PDE11A: variants seen among roughly 807,000 people sequenced by gnomAD.
PDE11A encodes dual 3',5'-cyclic-AMP and -GMP phosphodiesterase 11A.
Under a neutral mutation model 100.5 loss-of-function variants are expected in PDE11A, and 100 were observed. The observed-to-expected ratio is 1.00, with a 90% CI of 0.85 to 1.18. The LOEUF is 1.18. Ranked by LOEUF, PDE11A falls within the 50% of genes most tolerant of loss-of-function variation. The pLI is 0.00. For synonymous variants in PDE11A, 381 were observed against 420.8 expected (o/e 0.91, Z 1.16); for missense variants, 1,141 against 1,152.6 (o/e 0.99, Z 0.15).
chr2:177,775,804 CT>C (rs1230732045), intron 9 of PDE11A, among the ~76,000 whole-genome samples: 1 of 152,182 alleles, frequency 6.6e-6, no homozygotes, highest in Non-Finnish European at 1.5e-5. Flanking sequence ...CCTCTGTTAA[CT>C]CCATTATTCT....
chr2:177,697,261 C>A, intron 15 of PDE11A, 71 bp downstream of exon 15: 1 of 807,454 alleles, frequency 1.2e-6, no homozygotes, highest in East Asian at 2.5e-5. Context: ...AGGTAACCTC[C>A]AGTGTAGACC....
intron 2 of PDE11A, among the ~76,000 whole-genome samples, chr2:178,010,128 T>C (rs958127670): frequency 6.6e-6 from 1 of 152,224 alleles, no homozygotes. Flanking sequence ...AACAACCATG[T>C]GATGGAGGTT....
intron 10 of PDE11A, among the ~76,000 whole-genome samples, chr2:177,744,435 G>T (rs2081918934): frequency 1.3e-5 from 2 of 151,994 alleles, no homozygotes; most frequent in Admixed American, 1.3e-4. Flanking sequence ...TTGCTCTGTG[G>T]AGGGCAGGAA....
intron 5 of PDE11A, among the ~76,000 whole-genome samples, chr2:177,859,658 G>A (rs1304049173): frequency 2.0e-5 from 3 of 151,510 alleles, no homozygotes; most frequent in African/African-American, 7.3e-5. Flanking sequence ...CCTAATGGCA[G>A]AATATATATA....
intron 19 of PDE11A, among the ~76,000 whole-genome samples, chr2:177,648,108 T>C (rs1336503559): frequency 6.6e-6 from 1 of 151,868 alleles, no homozygotes; most frequent in Admixed American, 6.6e-5. Flanking sequence ...TGAGACCCTG[T>C]CTCCAAAAAA....
In PDE11A at chr2:177,822,269, T is replaced by C. The variant is rs146433644; in HGVS notation, c.1501-1974A>G. Among the ~76,000 whole-genome samples the C allele has an allele frequency of 8.6e-3, 1,306 of 152,036 alleles. 27 individuals are homozygous for C. Among genetic ancestry groups the C allele is most frequent in the African/African-American group, 0.03 (1,244 of 41,538 alleles). ...AACTGAAAATGATTTTCATGTATAA[T>C]ATGAGCTAGGAGTCAAAATTTCTTT... On this transcript the variant is annotated intron_variant, in intron 6 of 19. Coordinates refer to ENST00000286063, the MANE Select transcript of PDE11A (RefSeq NM_016953.4).
chr2:177,765,767 G>A lies in PDE11A; in HGVS notation c.1788+3556C>T, dbSNP rs2082230798. On this transcript the variant is annotated intron_variant, in intron 10 of 19. Coordinates refer to ENST00000286063, the MANE Select transcript of PDE11A (RefSeq NM_016953.4). Reference sequence around the variant, plus strand: ...AAGGTACAAACTACATGCTGAACTTGGAATCATCTAGACACTGAGGTCCAT... The same window carrying A: ...AAGGTACAAACTACATGCTGAACTTAGAATCATCTAGACACTGAGGTCCAT... Among the ~76,000 whole-genome samples, 4 of 152,286 alleles carry A rather than the reference G, an allele frequency of 2.6e-5. No individual in the cohort carries two copies. The South Asian group carries it at 8.3e-4, about 32-fold the overall frequency.
chr2:177,664,755 T>C (rs1482574085), intron 18 of PDE11A, among the ~76,000 whole-genome samples: 1 of 152,344 alleles, frequency 6.6e-6, no homozygotes, highest in East Asian at 1.9e-4. Flanking sequence ...AGAAGCTCCC[T>C]TGTGCCCTTA....
rs532599840 is a variant in PDE11A, at chr2:177,660,838, G to A, written c.2646+3028C>T. 3.0e-4 allele frequency among the ~76,000 whole-genome samples: 46 copies of A among 152,288 alleles called. No homozygotes were observed. The South Asian group carries it at 9.3e-3, about 31-fold the overall frequency. On this transcript the variant is annotated intron_variant, in intron 19 of 19. Transcript: ENST00000286063. Reference sequence around the variant, plus strand: ...AGCACAACCCTTTTAAAACCATGAAGTAAAACTGAACTACCCAGTGAAAGT... The same window carrying A: ...AGCACAACCCTTTTAAAACCATGAAATAAAACTGAACTACCCAGTGAAAGT...
rs765194351 is a variant in PDE11A, at chr2:178,045,880, G to A, written c.912+25646C>T. Among the ~76,000 whole-genome samples, 12 of 152,262 alleles carry A rather than the reference G, an allele frequency of 7.9e-5. No individual in the cohort carries two copies. The South Asian group carries it at 1.7e-3, about 21-fold the overall frequency. On this transcript the variant is annotated intron_variant, in intron 1 of 19. Transcript: ENST00000286063. ...GAACTTCATATTCCATCAAGGAGCC[G>A]CCTTCTTTCATGGACAGGAATCCAG...
intron 10 of PDE11A, among the ~76,000 whole-genome samples, chr2:177,760,803 A>G (rs1350643467): frequency 6.6e-6 from 1 of 152,196 alleles, no homozygotes; most frequent in African/African-American, 2.4e-5. Context: ...TCAGCCAGAC[A>G]TTGTCTCCTA....
At chr2:178,080,553 T>C (rs948777916) in intron 2 of PDE11A, among the ~76,000 whole-genome samples, 2 of 152,088 alleles carry the variant, frequency 1.3e-5, no homozygotes, top group South Asian at 2.1e-4. Context: ...GGAAGTTATA[T>C]AGAAGAAGAA....
At chr2:177,632,790 T>C (rs547276073) in intron 19 of PDE11A, among the ~76,000 whole-genome samples, 2 of 152,184 alleles carry the variant, frequency 1.3e-5, no homozygotes, top group Non-Finnish European at 2.9e-5. Flanking sequence ...GAGGTTGTCA[T>C]AGGGGAAGTG....
At chr2:177,956,472 C>T (rs1212114866) in intron 2 of PDE11A, among the ~76,000 whole-genome samples, 8 of 152,334 alleles carry the variant, frequency 5.3e-5, no homozygotes, top group African/African-American at 1.9e-4. Flanking sequence ...GGACTGTAAA[C>T]TAGTTCAACC....
rs562468131 is a variant in PDE11A at position 177,935,655 on chromosome 2, G to A, written c.1072-30468C>T. ...GGAGGCCATGTCCTGAGATCCTTGG[G>A]GGAAGGAGCAACCAGAGGCAGATCT... On this transcript the variant is annotated intron_variant, in intron 2 of 19. Transcript: ENST00000286063. Among the ~76,000 whole-genome samples, 3 of 152,278 alleles carry A rather than the reference G, an allele frequency of 2.0e-5. No homozygotes were observed. In the South Asian group the frequency reaches 6.2e-4, roughly 32 times the overall value.
At chr2:177,993,899 T>G (rs927823005) in intron 2 of PDE11A, among the ~76,000 whole-genome samples, 2 of 151,796 alleles carry the variant, frequency 1.3e-5, no homozygotes, top group Non-Finnish European at 2.9e-5. Context: ...AGTTAATATA[T>G]ATGTATATAT....
chr2:177,910,496 G>A (rs1487742115), intron 2 of PDE11A, among the ~76,000 whole-genome samples: 1 of 150,372 alleles, frequency 6.7e-6, no homozygotes, highest in Non-Finnish European at 1.5e-5. Context: ...TGCTCTTTCT[G>A]AAGTCCCTCA....
At chr2:178,032,882 A>G (rs929210254) in intron 1 of PDE11A, among the ~76,000 whole-genome samples, 1 of 152,194 alleles carries the variant, frequency 6.6e-6, no homozygotes, top group Non-Finnish European at 1.5e-5. Context: ...CAAAAACCCC[A>G]TCCAAAGATC....
chr2:178,019,260 A>T (rs2086377630), intron 1 of PDE11A, among the ~76,000 whole-genome samples: 1 of 152,216 alleles, frequency 6.6e-6, no homozygotes, highest in Non-Finnish European at 1.5e-5. Flanking sequence ...TAAGAAGAGG[A>T]GCTTGGAAAG....
Sources: gnomAD v4.1 joint callset for allele counts (sites outside exome capture counted in the v4.1 genomes callset) on GRCh38, gnomAD v4.1.1 for gene constraint, MANE v1.5 for transcripts, NCBI Gene and HGNC (gene_info 2026-07-23, HGNC 2026-07-21) for gene names.